The following SGCZ variants were observed in gnomAD, a reference collection of about 807,000 sequenced individuals.
SGCZ encodes sarcoglycan zeta, also known as zeta-sarcoglycan.
In SGCZ, 40 loss-of-function variants were observed where a neutral mutation model predicts 41.3. The ratio of observed to expected loss-of-function variants is 0.97; its 90% CI spans 0.75 to 1.26. The LOEUF (loss-of-function observed/expected upper bound fraction) is 1.26, where lower values mean the gene tolerates loss of function less well. Among genes scored for constraint, SGCZ ranks in the 50% most tolerant of loss-of-function variants. SGCZ has a pLI of 0.00. For synonymous variants in SGCZ, 206 were observed against 137.5 expected (o/e 1.50, Z -3.49); for missense variants, 552 against 369.8 (o/e 1.49, Z -4.04).
chr8:14,604,814 T>A (rs1805697265), intron 1 of SGCZ, among the ~76,000 whole-genome samples: 1 of 152,204 alleles, frequency 6.6e-6, no homozygotes, highest in Non-Finnish European at 1.5e-5. Context: ...TTCAAGTCAC[T>A]GTTAGACACC....
At chr8:14,965,522 G>A (rs558203122) in intron 1 of SGCZ, among the ~76,000 whole-genome samples, 1 of 152,208 alleles carries the variant, frequency 6.6e-6, no homozygotes, top group South Asian at 2.1e-4. Flanking sequence ...GAATAAGTGG[G>A]ATATTATATG....
At chr8:14,424,778 T>C (rs565270339) in intron 2 of SGCZ, among the ~76,000 whole-genome samples, 1 of 152,200 alleles carries the variant, frequency 6.6e-6, no homozygotes, top group South Asian at 2.1e-4. Context: ...GACAATAAGC[T>C]TTTCAAATGT....
intron 1 of SGCZ, among the ~76,000 whole-genome samples, chr8:14,602,066 G>C (rs927446397): frequency 2.0e-5 from 3 of 152,120 alleles, no homozygotes; most frequent in Non-Finnish European, 2.9e-5. Flanking sequence ...CTTGCAGTGA[G>C]CCGAGATTGC....
chr8:14,938,999 C>G (rs910111085), intron 1 of SGCZ, among the ~76,000 whole-genome samples: 2 of 152,066 alleles, frequency 1.3e-5, no homozygotes, highest in African/African-American at 4.8e-5. Context: ...TGCGCCCTGG[C>G]AAAGCAGGAC....
intron 3 of SGCZ, among the ~76,000 whole-genome samples, chr8:14,308,796 A>T (rs1444561336): frequency 1.3e-5 from 2 of 152,146 alleles, no homozygotes; most frequent in African/African-American, 4.8e-5. Flanking sequence ...GAAATATCAG[A>T]AACAGTGATG....
At chr8:14,807,430 C>G (rs1208354815) in intron 1 of SGCZ, among the ~76,000 whole-genome samples, 1 of 152,104 alleles carries the variant, frequency 6.6e-6, no homozygotes, top group Non-Finnish European at 1.5e-5. Context: ...TTCTTATACA[C>G]CAAGAGCAGA....
intron 2 of SGCZ, among the ~76,000 whole-genome samples, chr8:14,455,455 T>TACACACACACACACACACACACACAC (rs5889534): frequency 6.9e-6 from 1 of 144,352 alleles, no homozygotes. Flanking sequence ...TTTGCATGCA[T>TACACACACACACACACACACACACAC]ACACACACAC....
At chr8:14,154,400 A>C (rs1220195159) in intron 5 of SGCZ, among the ~76,000 whole-genome samples, 1 of 143,542 alleles carries the variant, frequency 7.0e-6, no homozygotes, top group Non-Finnish European at 1.5e-5. Context: ...ACAAAAAAAA[A>C]CCGCAGAAAA....
At chr8:14,522,543 T>A (rs1334065313) in intron 2 of SGCZ, among the ~76,000 whole-genome samples, 1 of 151,932 alleles carries the variant, frequency 6.6e-6, no homozygotes. Context: ...TTTATCCTTT[T>A]GATGTCTGCA....
chr8:14,810,679 T>C (rs1801711976), intron 1 of SGCZ, among the ~76,000 whole-genome samples: 1 of 152,032 alleles, frequency 6.6e-6, no homozygotes, highest in African/African-American at 2.4e-5. Context: ...ACTGGATACA[T>C]TATTTTTCAA....
At chr8:15,143,566 CT>C (rs1798958417) in intron 1 of SGCZ, among the ~76,000 whole-genome samples, 1 of 152,180 alleles carries the variant, frequency 6.6e-6, no homozygotes, top group Admixed American at 6.5e-5. Flanking sequence ...ATTTAAGTTA[CT>C]TCTTTCTGAA....
intron 1 of SGCZ, among the ~76,000 whole-genome samples, chr8:15,040,431 T>A (rs1402782406): frequency 6.6e-6 from 1 of 152,032 alleles, no homozygotes; most frequent in African/African-American, 2.4e-5. Flanking sequence ...CTGGTCAACA[T>A]GCTGAAACCC....
chr8:14,353,428 C>G (rs1803172969), intron 2 of SGCZ, among the ~76,000 whole-genome samples: 1 of 152,020 alleles, frequency 6.6e-6, no homozygotes, highest in African/African-American at 2.4e-5. Context: ...TCACATAACT[C>G]TTTAGAACCC....
At chr8:14,985,013 C>T (rs962407333) in intron 1 of SGCZ, among the ~76,000 whole-genome samples, 7 of 152,074 alleles carry the variant, frequency 4.6e-5, no homozygotes, top group Non-Finnish European at 8.8e-5. Flanking sequence ...TATCACGATG[C>T]TTTATTAAAC....
At chr8:14,226,357 TC>T (rs1806372841) in intron 4 of SGCZ, among the ~76,000 whole-genome samples, 1 of 152,038 alleles carries the variant, frequency 6.6e-6, no homozygotes, top group Non-Finnish European at 1.5e-5. Flanking sequence ...TTCATCACCC[TC>T]AGAAAACTCT....
chr8:15,152,244 G>C (rs910904348), intron 1 of SGCZ, among the ~76,000 whole-genome samples: 1 of 152,228 alleles, frequency 6.6e-6, no homozygotes, highest in African/African-American at 2.4e-5. Flanking sequence ...AAGACTGGAA[G>C]AACAAAGCAA....
At chr8:14,848,961 GAGCTGTCAA>G in intron 1 of SGCZ, among the ~76,000 whole-genome samples, 1 of 152,016 alleles carries the variant, frequency 6.6e-6, no homozygotes, top group Non-Finnish European at 1.5e-5. Context: ...AATATGTAAA[GAGCTGTCAA>G]AACACAATAA....
At chr8:14,854,618 G>C (rs1245439652) in intron 1 of SGCZ, among the ~76,000 whole-genome samples, 1 of 152,092 alleles carries the variant, frequency 6.6e-6, no homozygotes, top group East Asian at 1.9e-4. Flanking sequence ...GCAAATATAA[G>C]ATATTTTGAA....
rs191895804 is a variant in SGCZ at position 14,541,144 on chromosome 8, A to T, written c.234+13588T>A. Among the ~76,000 whole-genome samples, 209 of 151,874 alleles carry T rather than the reference A, an allele frequency of 1.4e-3. 1 individual carries two copies. Among genetic ancestry groups the T allele is most frequent in the Non-Finnish European group, 2.6e-3 (175 of 67,922 alleles). On this transcript the variant is annotated intron_variant, in intron 2 of 7. Transcript: ENST00000382080. The stretch of plus-strand genomic sequence containing the variant: ...TAAATAAACAGGTGTAATTTTCTCT[A>T]ATTTTATTTTTTAAGTTCCGGGATA...
Sources: gnomAD v4.1 joint callset for allele counts (sites outside exome capture counted in the v4.1 genomes callset) on GRCh38, gnomAD v4.1.1 for gene constraint, MANE v1.5 for transcripts, NCBI Gene and HGNC (gene_info 2026-07-23, HGNC 2026-07-21) for gene names.